Variants in GJA8 observed in about 807,000 individuals in gnomAD.
The protein encoded by GJA8 is gap junction protein alpha 8, also known as gap junction alpha-8 protein.
In GJA8, 13 loss-of-function variants were observed where a neutral mutation model predicts 15.3. The observed-to-expected ratio is 0.85, with a 90% CI of 0.55 to 1.35. The LOEUF is 1.35. GJA8 is among the 40% of genes most tolerant of loss of function. The pLI, the probability that GJA8 is intolerant of heterozygous loss-of-function variation, is 0.00. For missense variants in GJA8, 607 were observed against 553.3 expected (o/e 1.10, Z -0.97); for synonymous variants, 304 against 238.7 (o/e 1.27, Z -2.52).
In GJA8 at chr1:147,908,771, G is replaced by A. The variant is rs782723747; in HGVS notation, c.816G>A (p.Glu272=). 8 of 1,614,178 alleles carry A rather than the reference G, an allele frequency of 5.0e-6. No individual in the cohort carries two copies. The South Asian group carries it at 8.8e-5, about 18-fold the overall frequency. The change falls in exon 2 of 2, where the codon GAG becomes GAA. Residue 272 remains glutamate (E), a synonymous_variant. Coordinates refer to ENST00000369235, the MANE Select transcript of GJA8 (RefSeq NM_005267.5). ...KAKGYQLLEE[E]KIVSHYFPLT... is the part of the protein sequence containing the mutation. ...AGGGCTATCAGCTCCTAGAAGAAGA[G>A]AAAATCGTTTCCCACTATTTCCCCT...
rs1651882492 is a variant in GJA8 at position 147,908,160 on chromosome 1, G to T, written c.205G>T (p.Ala69Ser). 21 of 1,614,228 alleles carry T rather than the reference G, an allele frequency of 1.3e-5. No homozygotes were observed. Among genetic ancestry groups the T allele is most frequent in the Non-Finnish European group, 1.8e-5 (21 of 1,180,032 alleles). Residue 69 changes from alanine to serine, a missense_variant, in exon 2 of 2, where the codon GCC (alanine) becomes TCC (serine). By Grantham distance (99) the Ala-to-Ser change is moderately conservative. Transcript: ENST00000369235. ...PGCENVCYDE[A>S]FPISHIRLWV... Reference sequence around the variant, plus strand: ...CTGCGAGAACGTCTGCTACGACGAGGCCTTTCCCATCTCCCACATTCGCCT... The same window carrying T: ...CTGCGAGAACGTCTGCTACGACGAGTCCTTTCCCATCTCCCACATTCGCCT...
downstream of GJA8, among the ~76,000 whole-genome samples, chr1:147,913,793 C>T (rs904833789): frequency 2.4e-4 from 37 of 152,128 alleles, no homozygotes; most frequent in Non-Finnish European, 4.7e-4. Flanking sequence ...AATGATTGCC[C>T]AACCCAGCTT....
chr1:147,912,387 A>C (rs1558013200), downstream of GJA8, among the ~76,000 whole-genome samples: 1 of 152,192 alleles, frequency 6.6e-6, no homozygotes. Context: ...ATTTAACCCC[A>C]TATGTTTAGT....
chr1:147,913,461 G>A (rs1652261016), downstream of GJA8, among the ~76,000 whole-genome samples: 1 of 152,192 alleles, frequency 6.6e-6, no homozygotes, highest in South Asian at 2.1e-4. Context: ...GTTGCTGAAA[G>A]AGGTGCTAAA....
chr1:147,910,979 G>A (rs184751707), downstream of GJA8, among the ~76,000 whole-genome samples: 8 of 152,280 alleles, frequency 5.3e-5, no homozygotes, highest in Admixed American at 1.3e-4. Flanking sequence ...TCATGTACAC[G>A]TACATATTTC....
At position 147,908,253 on chromosome 1, in the gene GJA8, G is replaced by A. The variant is rs782044825; in HGVS notation, c.298G>A (p.Val100Ile). Reference sequence around the variant, plus strand: ...GTACGTGGGGCACGCGGTGCACTACGTCCGCATGGAGGAGAAGCGCAAAAG... The same window carrying A: ...GTACGTGGGGCACGCGGTGCACTACATCCGCATGGAGGAGAAGCGCAAAAG... ...LMYVGHAVHY[V>I]RMEEKRKSRE... Residue 100 changes from valine to isoleucine, a missense_variant, in exon 2 of 2, where the codon GTC (valine) becomes ATC (isoleucine). Transcript: ENST00000369235. 12 of 1,614,078 alleles carry A rather than the reference G, an allele frequency of 7.4e-6. No homozygotes were observed. The highest frequency in any genetic ancestry group is 1.3e-5 in the African/African-American group (1 of 74,930).
rs142872383 is a variant in GJA8 at position 147,909,058 on chromosome 1, A to G, written c.1103A>G (p.Glu368Gly). 1.9e-6 allele frequency: 3 copies of G among 1,603,522 alleles called. No homozygotes were observed. The African/African-American group carries it at 4.0e-5, about 21-fold the overall frequency. Reference sequence around the variant, plus strand: ...GAGCAGGAGAAGGTGGCCGTGCCAGAGGGGGAGAAAGTAGAGACCCCCGGA... The same window carrying G: ...GAGCAGGAGAAGGTGGCCGTGCCAGGGGGGGAGAAAGTAGAGACCCCCGGA... ...TEEQEKVAVP[E>G]GEKVETPGVD... Residue 368 changes from glutamate (E) to glycine (G), a missense_variant, in exon 2 of 2, where the codon GAG becomes GGG. Coordinates refer to ENST00000369235, the MANE Select transcript of GJA8 (RefSeq NM_005267.5).
downstream of GJA8, among the ~76,000 whole-genome samples, chr1:147,909,935 C>T (rs1383521379): frequency 6.6e-6 from 1 of 152,172 alleles, no homozygotes; most frequent in African/African-American, 2.4e-5. Flanking sequence ...TCTCAGCTCA[C>T]TGCAGCCTCA....
downstream of GJA8, among the ~76,000 whole-genome samples, chr1:147,911,053 G>T (rs889591893): frequency 6.6e-6 from 1 of 152,116 alleles, no homozygotes; most frequent in African/African-American, 2.4e-5. Flanking sequence ...AACTAAGATG[G>T]TTCACCTAAA....
chr1:147,908,115 T>G lies in GJA8; in HGVS notation c.160T>G (p.Cys54Gly), dbSNP rs1377711402. The stretch of plus-strand genomic sequence containing the variant: ...GGGGGATGAGCAATCCGACTTCGTG[T>G]GCAACACCCAGCAGCCTGGCTGCGA... ...VWGDEQSDFV[C>G]NTQQPGCENV... The change falls in exon 2 of 2, where the codon TGC becomes GGC. Residue 54 changes from cysteine to glycine, a missense_variant. Coordinates refer to ENST00000369235, the MANE Select transcript of GJA8 (RefSeq NM_005267.5). The G allele has an allele frequency of 1.9e-6, 3 of 1,614,104 alleles. No homozygotes were observed. The highest frequency in any genetic ancestry group is 2.5e-6 in the Non-Finnish European group (3 of 1,180,038).
At chr1:147,911,894 A>T (rs1176888542), downstream of GJA8, among the ~76,000 whole-genome samples, 1 of 148,840 alleles carries the variant, frequency 6.7e-6, no homozygotes, top group Non-Finnish European at 1.5e-5. Context: ...CTCAGGTGGG[A>T]CATAAGTGTG....
At chr1:147,903,656 T>C (rs1651688567) in intron 1 of GJA8, among the ~76,000 whole-genome samples, 2 of 152,186 alleles carry the variant, frequency 1.3e-5, no homozygotes, top group Non-Finnish European at 2.9e-5. Context: ...TTTTGTCTGG[T>C]AATGGGGATT....
In GJA8 at chr1:147,909,060, G is replaced by A. The variant is rs781881392; in HGVS notation, c.1105G>A (p.Gly369Arg). 5 of 1,604,162 alleles carry A rather than the reference G, an allele frequency of 3.1e-6. No individual in the cohort carries two copies. The African/African-American group carries it at 5.4e-5, about 17-fold the overall frequency. ...EEQEKVAVPE[G>R]EKVETPGVDK... ...GCAGGAGAAGGTGGCCGTGCCAGAGGGGGAGAAAGTAGAGACCCCCGGAGT... is the reference window on the plus strand; with the variant it reads ...GCAGGAGAAGGTGGCCGTGCCAGAGAGGGAGAAAGTAGAGACCCCCGGAGT... Residue 369 changes from glycine (G) to arginine (R), a missense_variant, in exon 2 of 2, where the codon GGG becomes AGG. Physicochemically the swap from Gly to Arg is moderately radical, Grantham distance 125 (BLOSUM62 -2). Transcript: ENST00000369235.
Position 147,908,920 on chromosome 1 carries a change from C to G in GJA8, c.965C>G (p.Ser322Cys). The G allele has an allele frequency of 2.5e-6, 4 of 1,612,612 alleles. No individual in the cohort carries two copies. Among genetic ancestry groups the G allele is most frequent in the Non-Finnish European group, 3.4e-6 (4 of 1,178,878 alleles). Reference protein sequence around the residue: ...LSRGYQETLPSYAQVGAQEVE... With the variant: ...LSRGYQETLPCYAQVGAQEVE... ...CGGGGCTACCAAGAGACACTGCCTT[C>G]CTACGCTCAGGTGGGGGCACAAGAA... Residue 322 changes from serine to cysteine, a missense_variant, in exon 2 of 2, where the codon TCC (serine) becomes TGC (cysteine). Physicochemically the swap from Ser to Cys is moderately radical, Grantham distance 112. Coordinates refer to ENST00000369235, the MANE Select transcript of GJA8 (RefSeq NM_005267.5).
downstream of GJA8, among the ~76,000 whole-genome samples, chr1:147,912,212 G>A (rs781889260): frequency 5.3e-5 from 8 of 152,174 alleles, no homozygotes; most frequent in Non-Finnish European, 1.2e-4. Flanking sequence ...CTGCTGAGTG[G>A]TACCATTCCC....
At chr1:147,904,655 C>A (rs142591205) in intron 1 of GJA8, among the ~76,000 whole-genome samples, 1 of 152,306 alleles carries the variant, frequency 6.6e-6, no homozygotes, top group East Asian at 1.9e-4. Flanking sequence ...TCCCACAGAA[C>A]GCTTTGCTTC....
In GJA8 at chr1:147,908,072, G is replaced by C; in HGVS notation, c.117G>C (p.Thr39=). ...TCTTCCGGATCCTCATCCTTGGCAC[G>C]GCCGCAGAGTTCGTGTGGGGGGATG... is the stretch of plus-strand genomic sequence containing the variant. The part of the protein sequence containing the change: ...LFIFRILILG[T]AAEFVWGDEQ... Residue 39 remains threonine, a synonymous_variant, in exon 2 of 2, where the codon ACG becomes ACC. Transcript: ENST00000369235. 1 of 1,614,148 alleles carries C rather than the reference G, an allele frequency of 6.2e-7. No individual in the cohort carries two copies. The highest frequency in any genetic ancestry group is 1.1e-5 in the South Asian group (1 of 91,086).
chr1:147,906,959 C>A (rs1553242350), intron 1 of GJA8, among the ~76,000 whole-genome samples: 2 of 151,888 alleles, frequency 1.3e-5, no homozygotes, highest in South Asian at 4.2e-4. Flanking sequence ...TATCAGGGTT[C>A]ACTGCAACCT....
rs782005163 is a variant in GJA8 at position 147,909,188 on chromosome 1, T to C, written c.1233T>C (p.Asp411=). ...TPSLCPELTT[D]DARPLSRLSK... Reference sequence around the variant, plus strand: ...CACTCTGTCCAGAGCTGACAACAGATGATGCCAGACCCCTGAGCAGGCTAA... The same window carrying C: ...CACTCTGTCCAGAGCTGACAACAGACGATGCCAGACCCCTGAGCAGGCTAA... Residue 411 remains aspartate (D), a synonymous_variant, in exon 2 of 2, where the codon GAT becomes GAC. Transcript: ENST00000369235. The C allele has an allele frequency of 5.6e-6, 9 of 1,612,430 alleles. No individual in the cohort carries two copies. The East Asian group carries it at 1.8e-4, about 32-fold the overall frequency.
Sources: gnomAD v4.1 joint callset for allele counts (sites outside exome capture counted in the v4.1 genomes callset) on GRCh38, gnomAD v4.1.1 for gene constraint, MANE v1.5 for transcripts, NCBI Gene and HGNC (gene_info 2026-07-23, HGNC 2026-07-21) for gene names.